Variants in NAALADL2 observed in about 807,000 individuals in gnomAD.
NAALADL2 encodes the protein inactive N-acetylated-alpha-linked acidic dipeptidase-like protein 2.
NAALADL2 carries 76 observed loss-of-function variants against 87.2 expected under a neutral mutation model. That is an observed-to-expected ratio of 0.87 (90% CI 0.72 to 1.05). The LOEUF is 1.05. Among genes scored for constraint, NAALADL2 ranks in the 50% least tolerant of loss-of-function variants. NAALADL2 has a pLI of 0.00. For missense variants in NAALADL2, 1,089 were observed against 945.8 expected, an observed-to-expected ratio of 1.15 and a Z score of -1.99; for synonymous variants, 354 against 331.0, an observed-to-expected ratio of 1.07 and a Z score of -0.75.
chr3:174,483,473 C>T (rs916086590), intron 1 of NAALADL2, among the ~76,000 whole-genome samples: 1 of 151,960 alleles, frequency 6.6e-6, no homozygotes, highest in African/African-American at 2.4e-5. Context: ...CTGTTCTCTC[C>T]CTTGACACAT....
intron 3 of NAALADL2, among the ~76,000 whole-genome samples, chr3:174,816,493 A>G (rs991270843): frequency 1.5e-5 from 2 of 133,340 alleles, no homozygotes; most frequent in Non-Finnish European, 3.2e-5. Context: ...ACGCATATAT[A>G]TACATTATTT....
At chr3:175,179,114 C>G (rs1397528504) in intron 2 of NAALADL2, among the ~76,000 whole-genome samples, 1 of 151,940 alleles carries the variant, frequency 6.6e-6, no homozygotes, top group Non-Finnish European at 1.5e-5. Flanking sequence ...TTCTATGATC[C>G]ACGAGAAGTT....
rs770617509 is a variant in NAALADL2 at position 174,892,686 on chromosome 3, G to A, written c.43+33236G>A. On this transcript the variant is annotated intron_variant, in intron 1 of 13. Coordinates refer to ENST00000454872, the MANE Select transcript of NAALADL2 (RefSeq NM_207015.3). ...CGCCTGTAATCCCAGCACTTAGGAA[G>A]GTCGAGGTGGGTGGATTGCCTGAGC... Among the ~76,000 whole-genome samples the A allele has an allele frequency of 2.0e-5, 3 of 152,210 alleles. No individual in the cohort carries two copies. In the East Asian group the frequency reaches 5.8e-4, roughly 29 times the overall value.
intron 1 of NAALADL2, among the ~76,000 whole-genome samples, chr3:174,515,103 G>A (rs915755156): frequency 6.6e-6 from 1 of 152,148 alleles, no homozygotes; most frequent in Non-Finnish European, 1.5e-5. Flanking sequence ...AAGGAATCAT[G>A]AGGTGAGTTT....
At chr3:174,863,186 A>G (rs1351403230) in intron 1 of NAALADL2, among the ~76,000 whole-genome samples, 1 of 152,174 alleles carries the variant, frequency 6.6e-6, no homozygotes, top group Non-Finnish European at 1.5e-5. Flanking sequence ...CCATTGCCAG[A>G]GGCCACGTCT....
intron 2 of NAALADL2, among the ~76,000 whole-genome samples, chr3:174,553,322 C>G (rs950574920): frequency 6.6e-6 from 1 of 152,084 alleles, no homozygotes; most frequent in African/African-American, 2.4e-5. Context: ...TATATTTGGT[C>G]AATTAAACTC....
chr3:174,901,411 A>G (rs911496327), intron 1 of NAALADL2, among the ~76,000 whole-genome samples: 5 of 152,168 alleles, frequency 3.3e-5, no homozygotes, highest in African/African-American at 9.7e-5. Flanking sequence ...TAACCAAAAG[A>G]TACGAAGGTG....
At chr3:175,670,781 T>C (rs956897336) in intron 11 of NAALADL2, among the ~76,000 whole-genome samples, 5 of 151,148 alleles carry the variant, frequency 3.3e-5, no homozygotes, top group African/African-American at 1.2e-4. Context: ...GTTCTGTTTT[T>C]TAATGAGCTT....
chr3:174,774,823 A>T (rs1578873512), intron 3 of NAALADL2, among the ~76,000 whole-genome samples: 1 of 152,226 alleles, frequency 6.6e-6, no homozygotes, highest in Non-Finnish European at 1.5e-5. Flanking sequence ...ATGAGAGATC[A>T]TGCTCTCAGA....
intron 1 of NAALADL2, among the ~76,000 whole-genome samples, chr3:174,515,259 T>G (rs1719874197): frequency 6.6e-6 from 1 of 152,142 alleles, no homozygotes; most frequent in Non-Finnish European, 1.5e-5. Flanking sequence ...CTTTTAAGAC[T>G]TGTAACTGTT....
intron 1 of NAALADL2, among the ~76,000 whole-genome samples, chr3:175,044,136 G>A (rs1414898980): frequency 6.6e-6 from 1 of 151,902 alleles, no homozygotes; most frequent in African/African-American, 2.4e-5. Flanking sequence ...ATTGTAAATG[G>A]CATTATTCTC....
Position 174,953,745 on chromosome 3 carries a change from G to A in NAALADL2, c.43+94295G>A, listed in dbSNP as rs1181626475. Among the ~76,000 whole-genome samples, 3 of 151,882 alleles carry A rather than the reference G, an allele frequency of 2.0e-5. No homozygotes were observed. In the East Asian group the frequency reaches 5.8e-4, roughly 30 times the overall value. ...ACACTCTGTTGCAAGCTTTTCCCCGGAGCAGGTTACCACATGACTCCCAGA... is the reference window on the plus strand; with the variant it reads ...ACACTCTGTTGCAAGCTTTTCCCCGAAGCAGGTTACCACATGACTCCCAGA... On this transcript the variant is annotated intron_variant, in intron 1 of 13. Coordinates refer to ENST00000454872, the MANE Select transcript of NAALADL2 (RefSeq NM_207015.3).
Position 174,934,851 on chromosome 3 carries a change from G to A in NAALADL2, c.43+75401G>A, listed in dbSNP as rs572716729. ...AGGATATTATGATAGAGGAATTATA[G>A]GATACGTTCAATCATTTGAAATTTT... On this transcript the variant is annotated intron_variant, in intron 1 of 13. Transcript: ENST00000454872. 4.6e-5 allele frequency among the ~76,000 whole-genome samples: 7 copies of A among 151,934 alleles called. No homozygotes were observed. In the South Asian group the frequency reaches 1.3e-3, roughly 27 times the overall value.
intron 1 of NAALADL2, among the ~76,000 whole-genome samples, chr3:174,454,814 C>T (rs1715719318): frequency 6.6e-6 from 1 of 151,972 alleles, no homozygotes; most frequent in African/African-American, 2.4e-5. Context: ...TAACATCACA[C>T]AACTAACAGA....
At chr3:174,463,915 A>G (rs1462075062) in intron 1 of NAALADL2, among the ~76,000 whole-genome samples, 2 of 151,456 alleles carry the variant, frequency 1.3e-5, no homozygotes, top group Non-Finnish European at 2.9e-5. Context: ...TCTTTTTTCT[A>G]TTTTTCTTTT....
At chr3:174,851,877 T>C (rs1235286365) in intron 3 of NAALADL2, among the ~76,000 whole-genome samples, 1 of 152,042 alleles carries the variant, frequency 6.6e-6, no homozygotes, top group Non-Finnish European at 1.5e-5. Flanking sequence ...AGATCACTTA[T>C]CAAGAACAAG....
At chr3:174,805,869 A>G (rs9810712) in intron 3 of NAALADL2, among the ~76,000 whole-genome samples, 71,035 of 151,982 alleles carry the variant, frequency 0.47, 16,903 homozygotes, top group African/African-American at 0.54. Context: ...ACATTTTAGC[A>G]TAAATTATCT....
At chr3:174,454,467 A>G (rs950534525) in intron 1 of NAALADL2, among the ~76,000 whole-genome samples, 4 of 152,152 alleles carry the variant, frequency 2.6e-5, no homozygotes, top group African/African-American at 9.7e-5. Context: ...CACATACTCT[A>G]AAGTCGACCA....
In NAALADL2 at chr3:174,755,206, A is replaced by G. The variant is rs1711877764; in HGVS notation, c.-9+17460A>G. Among the ~76,000 whole-genome samples, 3 of 152,168 alleles carry G rather than the reference A, an allele frequency of 2.0e-5. No homozygotes were observed. The South Asian group carries it at 6.2e-4, about 32-fold the overall frequency. On this transcript the variant is annotated intron_variant, in intron 3 of 3. Transcript: ENST00000434257. Reference sequence around the variant, plus strand: ...ATTCTCCTTCCTCTGCCTTTGAAGAAAGTGCCTGGCTTCCCCTTCATCTTC... The same window carrying G: ...ATTCTCCTTCCTCTGCCTTTGAAGAGAGTGCCTGGCTTCCCCTTCATCTTC...
Sources: allele counts gnomAD v4.1 joint callset (sites outside exome capture counted in the v4.1 genomes callset), GRCh38; gene constraint gnomAD v4.1.1; transcripts MANE v1.5; gene names NCBI Gene and HGNC (gene_info 2026-07-23, HGNC 2026-07-21).